The following MTFR1 variants were observed in gnomAD, a reference collection of about 807,000 sequenced individuals.
MTFR1 encodes mitochondrial fission regulator 1.
MTFR1 carries 28 observed loss-of-function variants against 38.8 expected under a neutral mutation model. The ratio of observed to expected loss-of-function variants is 0.72; its 90% CI spans 0.53 to 0.99. MTFR1 has a LOEUF of 0.99. Among genes scored for constraint, MTFR1 ranks in the 50% least tolerant of loss-of-function variants. The pLI is 0.00. For synonymous variants in MTFR1, 145 were observed against 137.0 expected, an observed-to-expected ratio of 1.06 and a Z score of -0.41; for missense variants, 358 against 395.5, an observed-to-expected ratio of 0.91 and a Z score of 0.81.
chr8:65,707,012 G>C lies in MTFR1; in HGVS notation c.520G>C (p.Asp174His), dbSNP rs1441578965. 6.3e-7 allele frequency: 1 copy of C among 1,591,852 alleles called. No homozygotes were observed. The highest frequency in any genetic ancestry group is 8.5e-7 in the Non-Finnish European group (1 of 1,170,158). Residue 174 changes from aspartate (D) to histidine (H), a missense_variant and splice_region_variant, in exon 6 of 8, where the codon GAC becomes CAC. By Grantham distance (81) the Asp-to-His change is moderately conservative. Coordinates refer to ENST00000262146, the MANE Select transcript of MTFR1 (RefSeq NM_014637.4). ...QQEQQNLTAG[D>H]LDSTTFGTIP... Reference sequence around the variant, plus strand: ...TTTGTTTTCCTTTGTTTCTGTAGGTGACTTAGATTCTACCACATTTGGTAC... The same window carrying C: ...TTTGTTTTCCTTTGTTTCTGTAGGTCACTTAGATTCTACCACATTTGGTAC...
intron 3 of MTFR1, among the ~76,000 whole-genome samples, chr8:65,733,825 G>A (rs1807009251): frequency 6.6e-6 from 1 of 152,048 alleles, no homozygotes; most frequent in Non-Finnish European, 1.5e-5. Flanking sequence ...TTCTTAAGTT[G>A]GCATCAATGG....
At chr8:65,660,329 T>C (rs1349000579) in intron 1 of MTFR1, among the ~76,000 whole-genome samples, 1 of 149,578 alleles carries the variant, frequency 6.7e-6, no homozygotes, top group African/African-American at 2.5e-5. Flanking sequence ...AAAACCCATC[T>C]GTGGTGGTTA....
intron 3 of MTFR1, among the ~76,000 whole-genome samples, chr8:65,691,578 C>A (rs1195208841): frequency 2.6e-5 from 4 of 152,186 alleles, no homozygotes; most frequent in Non-Finnish European, 5.9e-5. Flanking sequence ...AGGCGTGAGC[C>A]ACCGCACCTG....
At chr8:65,688,451 C>CTTTT (rs199865141) in intron 3 of MTFR1, among the ~76,000 whole-genome samples, 1 of 130,496 alleles carries the variant, frequency 7.7e-6, no homozygotes, top group African/African-American at 2.8e-5. Context: ...TTTTTCTTTT[C>CTTTT]TTTTTTTTTT....
chr8:65,659,401 A>G (rs1444158236), intron 1 of MTFR1, among the ~76,000 whole-genome samples: 1 of 151,350 alleles, frequency 6.6e-6, no homozygotes, highest in Non-Finnish European at 1.5e-5. Flanking sequence ...AAAGATCACA[A>G]TCAAGATCAC....
At chr8:65,698,948 C>T (rs1483687121) in intron 4 of MTFR1, among the ~76,000 whole-genome samples, 2 of 152,052 alleles carry the variant, frequency 1.3e-5, no homozygotes, top group Admixed American at 1.3e-4. Flanking sequence ...AGGCTGGTCT[C>T]GAACTCCTGA....
intron 2 of MTFR1, among the ~76,000 whole-genome samples, chr8:65,673,434 G>T (rs895320750): frequency 6.6e-6 from 1 of 151,444 alleles, no homozygotes; most frequent in Non-Finnish European, 1.5e-5. Context: ...GTAGAGGGGT[G>T]GGGGGCAAGG....
At chr8:65,663,632 TAAA>T (rs1413792234) in intron 1 of MTFR1, among the ~76,000 whole-genome samples, 7 of 96,938 alleles carry the variant, frequency 7.2e-5, no homozygotes, top group Non-Finnish European at 1.7e-4. Flanking sequence ...ATTGCTAAAA[TAAA>T]AAAGTACTAA....
chr8:65,669,155 T>A (rs1804486358), intron 1 of MTFR1, among the ~76,000 whole-genome samples: 1 of 152,200 alleles, frequency 6.6e-6, no homozygotes, highest in Non-Finnish European at 1.5e-5. Flanking sequence ...TCAGCCTCCC[T>A]TTTGCTACGA....
intron 3 of MTFR1, among the ~76,000 whole-genome samples, chr8:65,766,251 G>C (rs1273104148): frequency 6.6e-6 from 1 of 152,140 alleles, no homozygotes; most frequent in Non-Finnish European, 1.5e-5. Flanking sequence ...CAGCCGAGAT[G>C]AATTTTTGAC....
At chr8:65,660,926 G>T (rs1163215078) in intron 1 of MTFR1, among the ~76,000 whole-genome samples, 9 of 152,180 alleles carry the variant, frequency 5.9e-5, no homozygotes, top group Admixed American at 5.9e-4. Context: ...AGAATACATG[G>T]AGGAACCTTA....
intron 2 of MTFR1, among the ~76,000 whole-genome samples, chr8:65,717,199 T>A (rs1434450243): frequency 6.6e-6 from 1 of 152,230 alleles, no homozygotes; most frequent in Non-Finnish European, 1.5e-5. Context: ...ACATCAACAC[T>A]CTTCTGTACA....
intron 3 of MTFR1, among the ~76,000 whole-genome samples, chr8:65,742,363 C>G (rs1456931832): frequency 6.6e-6 from 1 of 152,156 alleles, no homozygotes; most frequent in African/African-American, 2.4e-5. Flanking sequence ...TTTGCTATGT[C>G]GCATCACTTA....
intron 3 of MTFR1, among the ~76,000 whole-genome samples, chr8:65,769,417 G>A (rs1808965643): frequency 6.6e-6 from 1 of 152,140 alleles, no homozygotes; most frequent in Non-Finnish European, 1.5e-5. Flanking sequence ...CTAACCCTGA[G>A]AGCATATTTG....
chr8:65,758,664 A>G (rs970819971), intron 3 of MTFR1, among the ~76,000 whole-genome samples: 4 of 152,100 alleles, frequency 2.6e-5, no homozygotes, highest in Non-Finnish European at 5.9e-5. Flanking sequence ...CTTTCAAACT[A>G]TACTCTGAAG....
At chr8:65,721,076 T>C (rs1806357936) in intron 3 of MTFR1, among the ~76,000 whole-genome samples, 1 of 152,220 alleles carries the variant, frequency 6.6e-6, no homozygotes, top group South Asian at 2.1e-4. Flanking sequence ...TTTAAATACC[T>C]GATAAAAATG....
In MTFR1 at chr8:65,696,413, C is replaced by T. The variant is rs568433913; in HGVS notation, c.281+2654C>T. On this transcript the variant is annotated intron_variant, in intron 4 of 7. Coordinates refer to ENST00000262146, the MANE Select transcript of MTFR1 (RefSeq NM_014637.4). ...AAATTCCCCATGCTTTTCACTCAGT[C>T]TCCTTCAATGGTAACATCCTGCAAA... Among the ~76,000 whole-genome samples, 468 of 152,286 alleles carry T rather than the reference C, an allele frequency of 3.1e-3. 2 individuals carry two copies. The highest frequency in any genetic ancestry group is 0.011 in the African/African-American group (447 of 41,558).
At chr8:65,699,960 G>A (rs1805562219) in intron 4 of MTFR1, among the ~76,000 whole-genome samples, 1 of 151,934 alleles carries the variant, frequency 6.6e-6, no homozygotes, top group Non-Finnish European at 1.5e-5. Flanking sequence ...ATACTATTAT[G>A]TCTCCAGGAA....
At chr8:65,736,013 A>G (rs900482842) in intron 3 of MTFR1, among the ~76,000 whole-genome samples, 4 of 152,166 alleles carry the variant, frequency 2.6e-5, no homozygotes, top group Non-Finnish European at 4.4e-5. Flanking sequence ...GATGCCTGAA[A>G]CCACAGATAG....
Sources: gnomAD v4.1 joint callset for allele counts (sites outside exome capture counted in the v4.1 genomes callset) on GRCh38, gnomAD v4.1.1 for gene constraint, MANE v1.5 for transcripts, NCBI Gene and HGNC (gene_info 2026-07-23, HGNC 2026-07-21) for gene names.